Variants in RFX3 observed in about 807,000 individuals in gnomAD.
RFX3 encodes the protein regulatory factor X3, also known as transcription factor RFX3.
Under a neutral mutation model 98.6 loss-of-function variants are expected in RFX3, and 14 were observed. The observed-to-expected ratio is 0.14, with a 90% CI of 0.09 to 0.22. RFX3 has a LOEUF of 0.22. Ranked by LOEUF, RFX3 falls within the 10% of genes least tolerant of loss-of-function variation. RFX3 has a pLI of 1.00. For missense variants in RFX3, 639 were observed against 926.9 expected, an observed-to-expected ratio of 0.69 and a Z score of 4.03; for synonymous variants, 383 against 328.4, an observed-to-expected ratio of 1.17 and a Z score of -1.80.
At chr9:3,400,976 C>T (rs1841423347) in intron 1 of RFX3, among the ~76,000 whole-genome samples, 1 of 152,156 alleles carries the variant, frequency 6.6e-6, no homozygotes, top group African/African-American at 2.4e-5. Flanking sequence ...CACTGCTTTG[C>T]AATATCATGA....
At chr9:3,477,202 G>A (rs1024096515) in intron 1 of RFX3, among the ~76,000 whole-genome samples, 27 of 152,140 alleles carry the variant, frequency 1.8e-4, no homozygotes, top group Non-Finnish European at 3.7e-4. Context: ...CATGGATTTA[G>A]AGCCTATCCC....
chr9:3,498,992 C>T (rs1851303199), intron 1 of RFX3, among the ~76,000 whole-genome samples: 3 of 152,152 alleles, frequency 2.0e-5, no homozygotes, highest in South Asian at 4.1e-4. Context: ...GCCTACAATT[C>T]AAGACACATC....
intron 4 of RFX3, among the ~76,000 whole-genome samples, chr9:3,307,260 G>A (rs765479295): frequency 6.6e-6 from 1 of 152,094 alleles, no homozygotes; most frequent in Non-Finnish European, 1.5e-5. Context: ...TTGGCCAAAT[G>A]ATAAGGTTCC....
At chr9:3,488,236 T>C (rs1169997753) in intron 1 of RFX3, among the ~76,000 whole-genome samples, 2 of 152,140 alleles carry the variant, frequency 1.3e-5, no homozygotes, top group African/African-American at 4.8e-5. Context: ...TCTCAGATAA[T>C]TTAAGATAAG....
In RFX3 at chr9:3,459,224, G is replaced by A. The variant is rs532427112; in HGVS notation, c.-8-63628C>T. On this transcript the variant is annotated intron_variant, in intron 1 of 16. Transcript: ENST00000617270. ...TGTAACTGAACACTACAGGCAATGA[G>A]CCAACACTTTTAAATTTCATCAAGC... Among the ~76,000 whole-genome samples the A allele has an allele frequency of 8.5e-5, 13 of 152,266 alleles. No individual in the cohort carries two copies. The East Asian group carries it at 2.5e-3, about 29-fold the overall frequency.
At chr9:3,355,273 T>C (rs1420293611) in intron 2 of RFX3, among the ~76,000 whole-genome samples, 2 of 151,514 alleles carry the variant, frequency 1.3e-5, no homozygotes, top group African/African-American at 2.4e-5. Context: ...ATTGTCAGAG[T>C]GGGTAAAAAT....
chr9:3,264,871 G>A lies in RFX3; in HGVS notation c.1455+1337C>T, dbSNP rs1032691640. ...TCTGGAGGTCAATGAGATGGCCAAC[G>A]TTGCAATTGGATTGTTACCACATTC... On this transcript the variant is annotated intron_variant, in intron 12 of 16. Transcript: ENST00000617270. 4.6e-5 allele frequency among the ~76,000 whole-genome samples: 7 copies of A among 152,326 alleles called. No homozygotes were observed. In the South Asian group the frequency reaches 1.4e-3, roughly 32 times the overall value.
chr9:3,238,816 C>T (rs536735035), intron 15 of RFX3, among the ~76,000 whole-genome samples: 4 of 152,088 alleles, frequency 2.6e-5, no homozygotes, highest in South Asian at 2.1e-4. Flanking sequence ...GGAGAAACCC[C>T]GTCTCTACTA....
At chr9:3,370,527 G>C (rs1277886574) in intron 2 of RFX3, among the ~76,000 whole-genome samples, 2 of 151,742 alleles carry the variant, frequency 1.3e-5, no homozygotes, top group Non-Finnish European at 2.9e-5. Flanking sequence ...AATCAGAACA[G>C]TGTTTGTTTC....
intron 4 of RFX3, among the ~76,000 whole-genome samples, chr9:3,307,592 G>C (rs1227208219): frequency 6.6e-6 from 1 of 152,110 alleles, no homozygotes; most frequent in Non-Finnish European, 1.5e-5. Context: ...TGGTAGTGCT[G>C]TATTTTTACT....
chr9:3,376,011 T>G (rs1312322934), intron 2 of RFX3, among the ~76,000 whole-genome samples: 1 of 151,140 alleles, frequency 6.6e-6, no homozygotes, highest in Non-Finnish European at 1.5e-5. Flanking sequence ...TAAATAAAAG[T>G]AGAAAGGGAA....
At chr9:3,425,896 T>C (rs1843971165) in intron 1 of RFX3, among the ~76,000 whole-genome samples, 2 of 152,334 alleles carry the variant, frequency 1.3e-5, no homozygotes, top group South Asian at 4.1e-4. Flanking sequence ...AGTTGAATGA[T>C]ATTTCTTAAT....
At chr9:3,267,428 C>T (rs1052223529) in intron 11 of RFX3, among the ~76,000 whole-genome samples, 7 of 151,930 alleles carry the variant, frequency 4.6e-5, no homozygotes, top group Non-Finnish European at 1.0e-4. Flanking sequence ...TGACATGATT[C>T]TCTATGCTTC....
rs1327913328 is a variant in RFX3, at chr9:3,522,282, G to C, written c.-9+3465C>G. On this transcript the variant is annotated intron_variant, in intron 1 of 16. Coordinates refer to ENST00000617270, the MANE Select transcript of RFX3 (RefSeq NM_001282116.2). Reference sequence around the variant, plus strand: ...TGGGAACACTATGTATCTGTGAATAGAGAGGAATTTAAAACATACTTTGTC... The same window carrying C: ...TGGGAACACTATGTATCTGTGAATACAGAGGAATTTAAAACATACTTTGTC... 2.6e-5 allele frequency among the ~76,000 whole-genome samples: 4 copies of C among 152,166 alleles called. No homozygotes were observed. The East Asian group carries it at 7.7e-4, about 29-fold the overall frequency.
chr9:3,282,120 G>C (rs1342753025), intron 7 of RFX3, among the ~76,000 whole-genome samples: 1 of 151,636 alleles, frequency 6.6e-6, no homozygotes, highest in Non-Finnish European at 1.5e-5. Context: ...ATTTTCTACT[G>C]GAATCTTGTA....
intron 1 of RFX3, among the ~76,000 whole-genome samples, chr9:3,450,596 T>G (rs1372313306): frequency 6.6e-6 from 1 of 152,218 alleles, no homozygotes; most frequent in Admixed American, 6.5e-5. Flanking sequence ...ATAGACTACA[T>G]GCTTGTTAAT....
At chr9:3,361,690 A>G (rs1371512537) in intron 2 of RFX3, among the ~76,000 whole-genome samples, 1 of 151,476 alleles carries the variant, frequency 6.6e-6, no homozygotes, top group African/African-American at 2.4e-5. Context: ...AAAGTAAAAT[A>G]AATTGCAAGA....
chr9:3,517,465 G>C (rs1469292832), intron 1 of RFX3, among the ~76,000 whole-genome samples: 1 of 152,088 alleles, frequency 6.6e-6, no homozygotes. Context: ...CACTCTATTA[G>C]TTTTCCTAAG....
chr9:3,327,888 T>TAA (rs1832107546), intron 4 of RFX3, among the ~76,000 whole-genome samples: 1 of 146,812 alleles, frequency 6.8e-6, no homozygotes, highest in African/African-American at 2.5e-5. Flanking sequence ...GTATACCTTA[T>TAA]CAAAAAAAAA....
Sources: allele counts gnomAD v4.1 joint callset (sites outside exome capture counted in the v4.1 genomes callset), GRCh38; gene constraint gnomAD v4.1.1; transcripts MANE v1.5; gene names NCBI Gene and HGNC (gene_info 2026-07-23, HGNC 2026-07-21).